Variants in NTNG1 observed in about 807,000 individuals in gnomAD.
NTNG1 encodes the protein netrin G1.
A neutral mutation model predicts 54.0 loss-of-function variants in NTNG1; 16 were observed. That is an observed-to-expected ratio of 0.30 (90% CI 0.20 to 0.45). The LOEUF (loss-of-function observed/expected upper bound fraction) is 0.45. Among genes scored for constraint, NTNG1 ranks in the 20% least tolerant of loss-of-function variants. The pLI, the probability that NTNG1 is intolerant of heterozygous loss-of-function variation, is 1.00. For missense variants in NTNG1, 530 were observed against 678.7 expected (o/e 0.78, Z 2.43); for synonymous variants, 255 against 263.1 (o/e 0.97, Z 0.30).
chr1:107,361,450 C>A (rs1194362145), intron 3 of NTNG1, among the ~76,000 whole-genome samples: 6 of 136,896 alleles, frequency 4.4e-5, no homozygotes, highest in East Asian at 2.1e-4. Flanking sequence ...AGTGCAATGG[C>A]GTGATCTCAG....
At chr1:107,211,701 A>G (rs114183842) in intron 2 of NTNG1, among the ~76,000 whole-genome samples, 2,299 of 152,276 alleles carry the variant, frequency 0.015, 22 homozygotes, top group Non-Finnish European at 0.022. Context: ...ATGTCTGCTT[A>G]ATTACTTGAA....
intron 3 of NTNG1, among the ~76,000 whole-genome samples, chr1:107,353,097 T>A (rs1669725375): frequency 6.6e-6 from 1 of 152,242 alleles, no homozygotes; most frequent in African/African-American, 2.4e-5. Context: ...AACATTTGCA[T>A]AAGTAAATTA....
At chr1:107,309,718 A>C (rs1666894120) in intron 2 of NTNG1, among the ~76,000 whole-genome samples, 1 of 152,184 alleles carries the variant, frequency 6.6e-6, no homozygotes, top group Non-Finnish European at 1.5e-5. Context: ...AAACTAATGA[A>C]GAAGGTTAAC....
chr1:107,263,583 T>C (rs1446137299), intron 2 of NTNG1, among the ~76,000 whole-genome samples: 1 of 152,190 alleles, frequency 6.6e-6, no homozygotes, highest in Non-Finnish European at 1.5e-5. Flanking sequence ...CTGAGTTATC[T>C]AGCTCTTTTC....
At chr1:107,254,523 C>T (rs1413348298) in intron 2 of NTNG1, among the ~76,000 whole-genome samples, 1 of 152,238 alleles carries the variant, frequency 6.6e-6, no homozygotes, top group African/African-American at 2.4e-5. Context: ...GAAGAATCCA[C>T]ACCACTGCCC....
intron 2 of NTNG1, among the ~76,000 whole-genome samples, chr1:107,297,746 A>G (rs1392481615): frequency 6.6e-6 from 1 of 152,152 alleles, no homozygotes; most frequent in Non-Finnish European, 1.5e-5. Context: ...AAAGATGAAA[A>G]ACACTAGCAG....
chr1:107,155,891 T>C (rs1452786646), intron 2 of NTNG1, among the ~76,000 whole-genome samples: 1 of 152,194 alleles, frequency 6.6e-6, no homozygotes, highest in Admixed American at 6.5e-5. Flanking sequence ...TATGTTTAGA[T>C]AGATTTAGGT....
rs77421563 is a variant in NTNG1 at position 107,275,843 on chromosome 1, G to A, written c.247-48439G>A. ...GATTAATGTTTGAGCAAATGTCTCT[G>A]CACTCTGCATCCCATTCAAGGTGAC... On this transcript the variant is annotated intron_variant, in intron 2 of 7. Coordinates refer to ENST00000370068, the MANE Select transcript of NTNG1 (RefSeq NM_001113226.3). Among the ~76,000 whole-genome samples the A allele has an allele frequency of 9.9e-5, 15 of 152,254 alleles. 1 individual carries two copies. The East Asian group carries it at 2.9e-3, about 29-fold the overall frequency.
chr1:107,327,679 A>G (rs1335281252), intron 3 of NTNG1, among the ~76,000 whole-genome samples: 3 of 151,906 alleles, frequency 2.0e-5, no homozygotes, highest in African/African-American at 4.8e-5. Context: ...CATGATAATG[A>G]TATTTTTCTA....
At chr1:107,342,264 T>C (rs1287036001) in intron 3 of NTNG1, among the ~76,000 whole-genome samples, 2 of 152,036 alleles carry the variant, frequency 1.3e-5, no homozygotes, top group Non-Finnish European at 2.9e-5. Context: ...CATAAAAATA[T>C]GTTAGCCCCC....
At chr1:107,250,790 T>A (rs1221260272) in intron 2 of NTNG1, among the ~76,000 whole-genome samples, 1 of 152,152 alleles carries the variant, frequency 6.6e-6, no homozygotes, top group African/African-American at 2.4e-5. Context: ...GTGACCTTGG[T>A]CAAGGCAGCT....
In NTNG1 at chr1:107,164,343, A is replaced by G. The variant is rs193110340; in HGVS notation, c.246+15504A>G. ...TGATTTTGTGCAGGACTCATACTAC[A>G]TTCTGGAAAGAGAACCATGAAGGGT... On this transcript the variant is annotated intron_variant, in intron 2 of 7. Transcript: ENST00000370068. Among the ~76,000 whole-genome samples, 254 of 152,298 alleles carry G rather than the reference A, an allele frequency of 1.7e-3. 3 individuals carry two copies. The highest frequency in any genetic ancestry group is 5.7e-3 in the African/African-American group (238 of 41,564).
chr1:107,274,986 C>G (rs1321503918), intron 2 of NTNG1, among the ~76,000 whole-genome samples: 1 of 152,146 alleles, frequency 6.6e-6, no homozygotes, highest in African/African-American at 2.4e-5. Context: ...TCTTGTAGCT[C>G]TTACCATATC....
intron 2 of NTNG1, among the ~76,000 whole-genome samples, chr1:107,248,566 A>G (rs951849347): frequency 6.6e-6 from 1 of 152,114 alleles, no homozygotes. Context: ...TAAGACAAGC[A>G]TTTTTCATTG....
chr1:107,324,278 A>G lies in NTNG1; in HGVS notation c.247-4A>G. On this transcript the variant is annotated splice_region_variant and splice_polypyrimidine_tract_variant and intron_variant, in intron 2 of 7. Coordinates refer to ENST00000370068, the MANE Select transcript of NTNG1 (RefSeq NM_001113226.3). ...ATGCACGCTCTTTTGTTCTTCTTCC[A>G]TAGGGCAATCCCTACATGTGCAATA... 1.2e-6 allele frequency: 2 copies of G among 1,611,362 alleles called. No individual in the cohort carries two copies. The highest frequency in any genetic ancestry group is 1.3e-5 in the African/African-American group (1 of 74,884).
chr1:107,298,516 T>C (rs982866700), intron 2 of NTNG1, among the ~76,000 whole-genome samples: 1 of 152,200 alleles, frequency 6.6e-6, no homozygotes, highest in South Asian at 2.1e-4. Context: ...GCCAAAGTTA[T>C]TCACACATAC....
At chr1:107,182,741 T>C (rs1217673739) in intron 2 of NTNG1, among the ~76,000 whole-genome samples, 1 of 152,088 alleles carries the variant, frequency 6.6e-6, no homozygotes, top group Admixed American at 6.6e-5. Flanking sequence ...CACTGATGCA[T>C]TCACAAAGGG....
chr1:107,257,716 AC>A (rs1331374988), intron 2 of NTNG1, among the ~76,000 whole-genome samples: 1 of 152,166 alleles, frequency 6.6e-6, no homozygotes, highest in Admixed American at 6.5e-5. Flanking sequence ...AGCTGAGAGA[AC>A]CCTTCCACAT....
chr1:107,203,636 A>T (rs1415083857), intron 2 of NTNG1, among the ~76,000 whole-genome samples: 1 of 151,344 alleles, frequency 6.6e-6, no homozygotes, highest in Non-Finnish European at 1.5e-5. Context: ...CAGTTTCACT[A>T]AATTCTACTG....
Sources: allele counts gnomAD v4.1 joint callset (sites outside exome capture counted in the v4.1 genomes callset), GRCh38; gene constraint gnomAD v4.1.1; transcripts MANE v1.5; gene names NCBI Gene and HGNC (gene_info 2026-07-23, HGNC 2026-07-21).